Variants in ZNF71 observed in about 807,000 individuals in gnomAD.
ZNF71 encodes the protein endothelial zinc finger protein induced by tumor necrosis factor alpha.
A neutral mutation model predicts 6.7 loss-of-function variants in ZNF71; 3 were observed. That is an observed-to-expected ratio of 0.45 (90% CI 0.20 to 1.16). ZNF71 has a LOEUF of 1.16. ZNF71 is among the 50% of genes most tolerant of loss of function. The pLI is 0.25. For synonymous variants in ZNF71, 343 were observed against 311.1 expected, an observed-to-expected ratio of 1.10 and a Z score of -1.08; for missense variants, 688 against 728.6, an observed-to-expected ratio of 0.94 and a Z score of 0.64.
In ZNF71 at chr19:56,618,162, AT is replaced by A. The variant is rs2044812088; in HGVS notation, c.161-3105del. Among the ~76,000 whole-genome samples, 1 of 152,312 alleles carries A rather than the reference AT, an allele frequency of 6.6e-6. No homozygotes were observed. The highest frequency in any genetic ancestry group is 1.5e-5 in the Non-Finnish European group (1 of 68,022). On this transcript the variant is annotated intron_variant, in intron 3 of 3. Transcript: ENST00000599599. This position sits in a 1 kb window ranked among gnomAD's most constrained non-coding sequence, Gnocchi z 4.6. ...GAGATGGGAAAAGTGATGCATGGTAATATAGCCACTCCTCAGGAGCCACAGC... is the reference window on the plus strand; with the variant it reads ...GAGATGGGAAAAGTGATGCATGGTAAATAGCCACTCCTCAGGAGCCACAGC...
At chr19:56,604,252 A>G (rs1392917468) in intron 2 of ZNF71, among the ~76,000 whole-genome samples, 1 of 152,190 alleles carries the variant, frequency 6.6e-6, no homozygotes, top group East Asian at 1.9e-4. Flanking sequence ...TGCATCTGCA[A>G]ACTCATCAAG....
Position 56,622,700 on chromosome 19 carries a change from C to T in ZNF71, c.1593C>T (p.Cys531=), listed in dbSNP as rs778574971. ...TGEKPYRCGE[C]GKTFSRNTNL... ...AGAAGCCCTACCGATGCGGCGAGTG[C>T]GGGAAGACCTTCAGCCGCAACACGA... The change falls in exon 4 of 4, where the codon TGC becomes TGT. Residue 531 remains cysteine (C), a synonymous_variant. Coordinates refer to ENST00000599599, the MANE Select transcript of ZNF71 (RefSeq NM_001370215.1). 52 of 1,613,312 alleles carry T rather than the reference C, an allele frequency of 3.2e-5. No individual in the cohort carries two copies. The East Asian group carries it at 1.1e-3, about 35-fold the overall frequency.
chr19:56,601,460 C>T, intron 1 of ZNF71, 47 bp from the exon 2 acceptor site: 2 of 853,848 alleles, frequency 2.3e-6, no homozygotes, highest in Non-Finnish European at 2.8e-6. Flanking sequence ...GTGAGGCCAG[C>T]CTAGGCCTGG....
chr19:56,602,035 C>G (rs1380594503), intron 2 of ZNF71, among the ~76,000 whole-genome samples: 1 of 152,178 alleles, frequency 6.6e-6, no homozygotes, highest in Non-Finnish European at 1.5e-5. Context: ...GATAATCACT[C>G]TGGAATGTTT....
At chr19:56,608,384 G>T (rs1201760814) in intron 2 of ZNF71, among the ~76,000 whole-genome samples, 1 of 152,012 alleles carries the variant, frequency 6.6e-6, no homozygotes, top group African/African-American at 2.4e-5. Context: ...TTTTACTTCT[G>T]TGTCTGGCTT....
intron 1 of ZNF71, among the ~76,000 whole-genome samples, chr19:56,595,895 C>T (rs1019869371): frequency 4.3e-5 from 4 of 93,874 alleles, no homozygotes; most frequent in African/African-American, 1.6e-4. Context: ...GTGTATGAGA[C>T]AGAGAGAGAA....
At position 56,600,192 on chromosome 19, in the gene ZNF71, T is replaced by TAATACCCA. The variant is rs2044659369; in HGVS notation, c.-52-1315_-52-1314insAATACCCA. ...CTCACTGCAACCCTCTGTATTTTTT[T>TAATACCCA]TTTTTTTTTTTTTTTTGAGACGGAG... On this transcript the variant is annotated intron_variant, in intron 1 of 3. Coordinates refer to ENST00000599599, the MANE Select transcript of ZNF71 (RefSeq NM_001370215.1). 2.3e-3 allele frequency among the ~76,000 whole-genome samples: 124 copies of TAATACCCA among 53,932 alleles called. 12 individuals carry two copies. Among genetic ancestry groups the TAATACCCA allele is most frequent in the South Asian group, 5.4e-3 (8 of 1,486 alleles). The allele number at this position is 53,932 out of a possible 152,430, so 35.4% of individuals were successfully genotyped here. A position where few individuals can be genotyped will look rare whatever the true frequency, so the allele number is the denominator to read the frequency against.
chr19:56,609,410 A>G (rs756312600), intron 2 of ZNF71, among the ~76,000 whole-genome samples: 1 of 152,172 alleles, frequency 6.6e-6, no homozygotes, highest in Non-Finnish European at 1.5e-5. Flanking sequence ...TACCACTCCA[A>G]AAAGAAACCC....
At chr19:56,605,974 C>T (rs1378667963) in intron 2 of ZNF71, among the ~76,000 whole-genome samples, 2 of 152,124 alleles carry the variant, frequency 1.3e-5, no homozygotes, top group South Asian at 2.1e-4. Context: ...GCTGCCACTC[C>T]CATCTGTGTG....
intron 1 of ZNF71, among the ~76,000 whole-genome samples, 197 bp from the exon 2 acceptor site, chr19:56,601,310 G>A (rs768200178): frequency 1.6e-4 from 25 of 152,144 alleles, no homozygotes; most frequent in Non-Finnish European, 2.5e-4. Context: ...CAGGATGGTT[G>A]GAAGATCAAG....
chr19:56,611,607 T>A (rs1398857889), intron 2 of ZNF71, among the ~76,000 whole-genome samples: 1 of 152,200 alleles, frequency 6.6e-6, no homozygotes, highest in East Asian at 1.9e-4. Flanking sequence ...AGACAATCAC[T>A]TAATCACTTT....
At chr19:56,616,856 G>A (rs2044796422) in intron 3 of ZNF71, among the ~76,000 whole-genome samples, 1 of 152,114 alleles carries the variant, frequency 6.6e-6, no homozygotes, top group Non-Finnish European at 1.5e-5. Context: ...GCAGTTGTAG[G>A]ACCCACCTTG....
Position 56,603,689 on chromosome 19 carries a change from T to G in ZNF71, c.33+2098T>G, listed in dbSNP as rs1196919615. 6.6e-6 allele frequency among the ~76,000 whole-genome samples: 1 copy of G among 152,228 alleles called. No homozygotes were observed. Among genetic ancestry groups the G allele is most frequent in the Non-Finnish European group, 1.5e-5 (1 of 68,048 alleles). ...ATGATGCCTTCATTTTTGTCTCATC[T>G]GTGATTCTTGCCTTGAATTCTTCTT... On this transcript the variant is annotated intron_variant, in intron 2 of 3. Coordinates refer to ENST00000599599, the MANE Select transcript of ZNF71 (RefSeq NM_001370215.1). This position sits in a 1 kb window ranked among gnomAD's most constrained non-coding sequence, Gnocchi z 4.6.
intron 2 of ZNF71, among the ~76,000 whole-genome samples, chr19:56,604,745 G>C (rs570643612): frequency 6.6e-6 from 1 of 152,292 alleles, no homozygotes; most frequent in South Asian, 2.1e-4. Context: ...AGGCTATCTT[G>C]AGCCCAAGCC....
chr19:56,619,512 T>C (rs1207942575), intron 3 of ZNF71, among the ~76,000 whole-genome samples: 1 of 152,220 alleles, frequency 6.6e-6, no homozygotes, highest in East Asian at 1.9e-4. Flanking sequence ...CCAAGTTTCG[T>C]ATCGGATGTG....
chr19:56,616,588 A>G (rs896064546), intron 3 of ZNF71, among the ~76,000 whole-genome samples: 2 of 152,204 alleles, frequency 1.3e-5, no homozygotes, highest in African/African-American at 4.8e-5. Flanking sequence ...CTGTTTTCAA[A>G]TCCTTTCAGA....
At chr19:56,612,998 A>G (rs954773192) in intron 2 of ZNF71, among the ~76,000 whole-genome samples, 1 of 152,166 alleles carries the variant, frequency 6.6e-6, no homozygotes, top group Non-Finnish European at 1.5e-5. Context: ...CACTTAGAGT[A>G]GTACCTGGCA....
chr19:56,621,721 T>G lies in ZNF71; in HGVS notation c.614T>G (p.Leu205Arg). 1 of 1,614,002 alleles carries G rather than the reference T, an allele frequency of 6.2e-7. No homozygotes were observed. Among genetic ancestry groups the G allele is most frequent in the Non-Finnish European group, 8.5e-7 (1 of 1,180,018 alleles). The change falls in exon 4 of 4, where the codon CTG (leucine) becomes CGG (arginine). Residue 205 changes from leucine (L) to arginine (R), a missense_variant. Physicochemically the swap from Leu to Arg is moderately radical, Grantham distance 102 (BLOSUM62 -2). Coordinates refer to ENST00000599599, the MANE Select transcript of ZNF71 (RefSeq NM_001370215.1). ...AAGGCCTTTAGCCGAAGCTCGTCCC[T>G]GATAAAGCACCAAAGGATCCACACG... ...CGKAFSRSSS[L>R]IKHQRIHTGE...
chr19:56,607,983 C>T lies in ZNF71; in HGVS notation c.34-5829C>T, dbSNP rs550194600. Among the ~76,000 whole-genome samples the T allele has an allele frequency of 3.3e-3, 498 of 152,210 alleles. 5 individuals are homozygous for T. The highest frequency in any genetic ancestry group is 4.8e-3 in the Non-Finnish European group (327 of 68,004). On this transcript the variant is annotated intron_variant, in intron 2 of 3. Transcript: ENST00000599599. The stretch of plus-strand genomic sequence containing the variant: ...TCAGCTGCTGGTCAGATGGGCCTCT[C>T]CAAAGGACTCTGCAGGGCAGCTGGC...
Sources: allele counts gnomAD v4.1 joint callset (sites outside exome capture counted in the v4.1 genomes callset), GRCh38; gene constraint gnomAD v4.1.1; non-coding constraint Gnocchi (gnomAD v3.1); transcripts MANE v1.5; gene names NCBI Gene and HGNC (gene_info 2026-07-23, HGNC 2026-07-21).